The following RORA variants were observed in gnomAD, a reference collection of about 807,000 sequenced individuals.
RORA encodes the protein RAR related orphan receptor A.
Under a neutral mutation model 69.5 loss-of-function variants are expected in RORA, and 7 were observed. The ratio of observed to expected loss-of-function variants is 0.10; its 90% CI spans 0.06 to 0.19. The LOEUF (loss-of-function observed/expected upper bound fraction) is 0.19, where lower values mean the gene tolerates loss of function less well. RORA is among the 10% of genes least tolerant of loss of function. The pLI is 1.00. For synonymous variants in RORA, 261 were observed against 240.8 expected, an observed-to-expected ratio of 1.08 and a Z score of -0.78; for missense variants, 457 against 663.0, an observed-to-expected ratio of 0.69 and a Z score of 3.41.
At chr15:61,178,244 C>G (rs769816720) in intron 1 of RORA, among the ~76,000 whole-genome samples, 2 of 152,134 alleles carry the variant, frequency 1.3e-5, no homozygotes, top group Non-Finnish European at 2.9e-5. Context: ...TCCTGACTTT[C>G]CTAAAGTGAT....
At chr15:60,664,562 G>A (rs2070354183) in intron 2 of RORA, among the ~76,000 whole-genome samples, 1 of 152,200 alleles carries the variant, frequency 6.6e-6, no homozygotes, top group Admixed American at 6.5e-5. Flanking sequence ...GACGCCTCAT[G>A]AGAAAAGAAT....
At chr15:60,540,576 C>CCGCA (rs1555428643) in intron 2 of RORA, among the ~76,000 whole-genome samples, 2 of 115,326 alleles carry the variant, frequency 1.7e-5, no homozygotes, top group Admixed American at 1.7e-4. Context: ...CCCCCCCCCC[C>CCGCA]AAAACTGTGC....
intron 1 of RORA, among the ~76,000 whole-genome samples, chr15:61,187,226 A>C (rs1412128400): frequency 1.3e-5 from 2 of 152,242 alleles, no homozygotes; most frequent in Non-Finnish European, 2.9e-5. Context: ...AGGGAGACAG[A>C]GAATATCCCC....
intron 2 of RORA, among the ~76,000 whole-genome samples, chr15:60,650,865 G>A (rs1413494827): frequency 6.6e-6 from 1 of 152,136 alleles, no homozygotes; most frequent in African/African-American, 2.4e-5. Flanking sequence ...ACCATGTTTT[G>A]GTTGGTATTT....
At chr15:60,730,946 T>C (rs937341800) in intron 1 of RORA, among the ~76,000 whole-genome samples, 13 of 152,296 alleles carry the variant, frequency 8.5e-5, no homozygotes, top group African/African-American at 3.1e-4. Flanking sequence ...ACCTGGTTTG[T>C]TACATATGTA....
chr15:60,936,099 CG>C lies in RORA; in HGVS notation c.167-257414del, dbSNP rs1892514002. On this transcript the variant is annotated intron_variant, in intron 1 of 10. Transcript: ENST00000335670. Reference sequence around the variant, plus strand: ...ACCCATGGGAAGGTCTGCATAGTAACGAAACCATCAGAGTCCCTGTGCAAAG... The same window carrying C: ...ACCCATGGGAAGGTCTGCATAGTAACAAACCATCAGAGTCCCTGTGCAAAG... 3.9e-5 allele frequency among the ~76,000 whole-genome samples: 6 copies of C among 152,134 alleles called. No individual in the cohort carries two copies. The South Asian group carries it at 1.2e-3, about 32-fold the overall frequency.
At chr15:61,064,957 G>A (rs946660757) in intron 1 of RORA, among the ~76,000 whole-genome samples, 1 of 152,146 alleles carries the variant, frequency 6.6e-6, no homozygotes, top group African/African-American at 2.4e-5. Context: ...CAGCAACAGA[G>A]ACTAACATCA....
At chr15:61,133,537 G>C (rs1340642653) in intron 1 of RORA, among the ~76,000 whole-genome samples, 2 of 152,170 alleles carry the variant, frequency 1.3e-5, no homozygotes, top group South Asian at 4.1e-4. Flanking sequence ...ATCAGAGAAT[G>C]AGGTCCGCTG....
At chr15:60,721,081 A>G (rs2071287583) in intron 1 of RORA, among the ~76,000 whole-genome samples, 1 of 152,186 alleles carries the variant, frequency 6.6e-6, no homozygotes, top group Admixed American at 6.5e-5. Flanking sequence ...TCTCAAGTGC[A>G]ATCAATACAA....
chr15:61,023,219 A>G, intron 1 of RORA, among the ~76,000 whole-genome samples: 1 of 151,306 alleles, frequency 6.6e-6, no homozygotes, highest in African/African-American at 2.4e-5. Flanking sequence ...AAACTGACAA[A>G]ACTTGTATTA....
At chr15:60,512,616 G>A (rs1340261802) in intron 4 of RORA, among the ~76,000 whole-genome samples, 1 of 152,150 alleles carries the variant, frequency 6.6e-6, no homozygotes, top group Non-Finnish European at 1.5e-5. Flanking sequence ...ACTTTCTGCT[G>A]TTCCCATTTA....
At chr15:60,811,376 T>C (rs2072740725) in intron 1 of RORA, among the ~76,000 whole-genome samples, 1 of 152,238 alleles carries the variant, frequency 6.6e-6, no homozygotes, top group Admixed American at 6.5e-5. Flanking sequence ...CTTTCCTGTA[T>C]CTGATAAGTC....
intron 1 of RORA, among the ~76,000 whole-genome samples, chr15:61,121,642 G>C (rs1391578057): frequency 6.6e-6 from 1 of 151,932 alleles, no homozygotes; most frequent in African/African-American, 2.4e-5. Context: ...CAAGACTCTG[G>C]GCATCGCTGG....
At chr15:61,028,437 G>A (rs1016228084) in intron 1 of RORA, among the ~76,000 whole-genome samples, 1 of 152,150 alleles carries the variant, frequency 6.6e-6, no homozygotes, top group African/African-American at 2.4e-5. Flanking sequence ...CATTCAACAA[G>A]TATCTAATGA....
chr15:60,644,559 AAAC>A (rs1440983693), intron 2 of RORA, among the ~76,000 whole-genome samples: 2 of 152,272 alleles, frequency 1.3e-5, no homozygotes, highest in Non-Finnish European at 2.9e-5. Context: ...ATTAACGTGT[AAAC>A]ATGCAGAGAC....
At chr15:61,004,090 C>T (rs937496976) in intron 1 of RORA, among the ~76,000 whole-genome samples, 4 of 152,076 alleles carry the variant, frequency 2.6e-5, no homozygotes, top group African/African-American at 9.7e-5. Flanking sequence ...GGTTCAGATC[C>T]CAGAGTGAAG....
intron 1 of RORA, among the ~76,000 whole-genome samples, chr15:60,721,843 G>T (rs563175913): frequency 6.6e-6 from 1 of 152,238 alleles, no homozygotes; most frequent in Non-Finnish European, 1.5e-5. Context: ...CTAGTAAGAG[G>T]TGCCTGCTCC....
chr15:60,865,999 A>G (rs1266684017), intron 1 of RORA, among the ~76,000 whole-genome samples: 1 of 128,104 alleles, frequency 7.8e-6, no homozygotes. Flanking sequence ...CATACAATAT[A>G]TAGTGATCAA....
intron 1 of RORA, among the ~76,000 whole-genome samples, chr15:61,030,231 G>C (rs1896084320): frequency 6.6e-6 from 1 of 152,144 alleles, no homozygotes; most frequent in Non-Finnish European, 1.5e-5. Context: ...GGCTATAAAG[G>C]ACCTGATTGA....
Sources: gnomAD v4.1 joint callset for allele counts (sites outside exome capture counted in the v4.1 genomes callset) on GRCh38, gnomAD v4.1.1 for gene constraint, MANE v1.5 for transcripts, NCBI Gene and HGNC (gene_info 2026-07-23, HGNC 2026-07-21) for gene names.